Variants in MAPKAP1 observed in about 807,000 individuals in gnomAD.
MAPKAP1 encodes target of rapamycin complex 2 subunit MAPKAP1.
In MAPKAP1, 20 loss-of-function variants were observed where a neutral mutation model predicts 65.7. The ratio of observed to expected loss-of-function variants is 0.30; its 90% CI spans 0.21 to 0.44. MAPKAP1 has a LOEUF of 0.44. MAPKAP1 is among the 20% of genes least tolerant of loss of function. The pLI is 1.00. For missense variants in MAPKAP1, 423 were observed against 648.0 expected (o/e 0.65, Z 3.77); for synonymous variants, 222 against 244.3 (o/e 0.91, Z 0.85).
chr9:125,657,410 G>C (rs185029791), intron 4 of MAPKAP1, among the ~76,000 whole-genome samples: 2 of 152,100 alleles, frequency 1.3e-5, no homozygotes, highest in South Asian at 2.1e-4. Context: ...CAGAGAAAGA[G>C]AGAATGAAAG....
At chr9:125,461,513 G>C (rs945145209) in intron 10 of MAPKAP1, among the ~76,000 whole-genome samples, 27 of 152,208 alleles carry the variant, frequency 1.8e-4, no homozygotes, top group African/African-American at 5.8e-4. Context: ...TAATTGGATA[G>C]TGTAATTAAA....
At chr9:125,504,825 C>T (rs1057461647) in intron 8 of MAPKAP1, among the ~76,000 whole-genome samples, 1 of 151,772 alleles carries the variant, frequency 6.6e-6, no homozygotes. Flanking sequence ...AAAACCAAAA[C>T]CAAAAACATC....
At chr9:125,480,162 G>A (rs1423955208) in intron 9 of MAPKAP1, among the ~76,000 whole-genome samples, 4 of 152,054 alleles carry the variant, frequency 2.6e-5, no homozygotes, top group Non-Finnish European at 5.9e-5. Flanking sequence ...AGGGAGAGAG[G>A]GTCTTCAATT....
At position 125,580,221 on chromosome 9, in the gene MAPKAP1, A is replaced by G. The variant is rs139087192; in HGVS notation, c.671+5334T>C. 4.4e-3 allele frequency among the ~76,000 whole-genome samples: 663 copies of G among 152,344 alleles called. 6 individuals are homozygous for G. Among genetic ancestry groups the G allele is most frequent in the African/African-American group, 0.015 (621 of 41,580 alleles). ...AAAGGATTATAAATCATGCTGCTAT[A>G]AAGACACATGCACACATGTGTTTAC... On this transcript the variant is annotated intron_variant, in intron 5 of 11. Transcript: ENST00000265960.
Position 125,506,327 on chromosome 9 carries a change from C to A in MAPKAP1, c.1049G>T (p.Cys350Phe). 1 of 1,614,004 alleles carries A rather than the reference C, an allele frequency of 6.2e-7. No homozygotes were observed. Among genetic ancestry groups the A allele is most frequent in the South Asian group, 1.1e-5 (1 of 91,090 alleles). The change falls in exon 8 of 12, where the codon TGC (cysteine) becomes TTC (phenylalanine). Residue 350 changes from cysteine (C) to phenylalanine (F), a missense_variant. Transcript: ENST00000265960. ...CAACGTACTGTTCTCGCGGACCAGGCAGAACTCCCATGCGCTCTGGCTCTC... is the reference window on the plus strand; with the variant it reads ...CAACGTACTGTTCTCGCGGACCAGGAAGAACTCCCATGCGCTCTGGCTCTC... Reference protein sequence around the residue: ...TLESQSAWEFCLVRENSSRAD... With the variant: ...TLESQSAWEFFLVRENSSRAD...
intron 1 of MAPKAP1, among the ~76,000 whole-genome samples, chr9:125,676,402 T>TTAACA (rs1834644741): frequency 6.6e-6 from 1 of 152,126 alleles, no homozygotes; most frequent in Non-Finnish European, 1.5e-5. Context: ...TGGTAGAGGG[T>TTAACA]GAACAAAATG....
intron 4 of MAPKAP1, among the ~76,000 whole-genome samples, chr9:125,614,725 T>G (rs1016906712): frequency 6.6e-6 from 1 of 152,210 alleles, no homozygotes; most frequent in Non-Finnish European, 1.5e-5. Flanking sequence ...TACAGTTGAA[T>G]GTACATGATT....
chr9:125,636,200 T>A (rs534962118), intron 4 of MAPKAP1, among the ~76,000 whole-genome samples: 1 of 152,236 alleles, frequency 6.6e-6, no homozygotes, highest in Admixed American at 6.5e-5. Flanking sequence ...GGTTCTAAGA[T>A]GAGCACAACT....
At chr9:125,516,493 G>A (rs1388978021) in intron 7 of MAPKAP1, among the ~76,000 whole-genome samples, 1 of 152,208 alleles carries the variant, frequency 6.6e-6, no homozygotes, top group Non-Finnish European at 1.5e-5. Context: ...CTTATGATTA[G>A]GGAAAGAAAA....
intron 5 of MAPKAP1, among the ~76,000 whole-genome samples, chr9:125,569,692 C>T (rs1201943643): frequency 6.6e-6 from 1 of 152,222 alleles, no homozygotes; most frequent in Admixed American, 6.5e-5. Context: ...TGGCCCTGTT[C>T]TTCCAAGGAC....
intron 3 of MAPKAP1, among the ~76,000 whole-genome samples, chr9:125,667,351 G>A (rs1028063846): frequency 6.6e-6 from 1 of 152,038 alleles, no homozygotes; most frequent in African/African-American, 2.4e-5. Context: ...ACACAGTCTC[G>A]CTCTGTTGCC....
Position 125,438,705 on chromosome 9 carries a change from T to C in MAPKAP1, c.*182A>G. Reference sequence around the variant, plus strand: ...CAAGCAGACTTCCGTCCCATGGCAATGTCCCCAGCGCTCCCTCCTAGGGGG... The same window carrying C: ...CAAGCAGACTTCCGTCCCATGGCAACGTCCCCAGCGCTCCCTCCTAGGGGG... On this transcript the variant is annotated 3_prime_UTR_variant, in exon 12 of 12. Coordinates refer to ENST00000265960, the MANE Select transcript of MAPKAP1 (RefSeq NM_001006617.3). The C allele has an allele frequency of 3.1e-6, 2 of 653,608 alleles. No homozygotes were observed. Among genetic ancestry groups the C allele is most frequent in the Non-Finnish European group, 2.6e-6 (1 of 388,430 alleles). The allele number at this position is 653,608 out of a possible 1,614,324, so 40.5% of individuals were successfully genotyped here.
At chr9:125,625,243 A>AT (rs71374282) in intron 4 of MAPKAP1, among the ~76,000 whole-genome samples, 32,312 of 100,916 alleles carry the variant, frequency 0.32, 5,987 homozygotes, top group Non-Finnish European at 0.41. Context: ...CAATAAAAAA[A>AT]AAATAAATAA....
intron 6 of MAPKAP1, among the ~76,000 whole-genome samples, chr9:125,554,330 A>C (rs1412785162): frequency 6.6e-6 from 1 of 152,168 alleles, no homozygotes. Flanking sequence ...TAGACCAAGC[A>C]ACAGATAAAG....
At chr9:125,572,820 T>C (rs996833290) in intron 5 of MAPKAP1, 1 of 152,240 alleles carries the variant, frequency 6.6e-6, no homozygotes. Context: ...TATACTGCTG[T>C]TATACTCTTT....
intron 4 of MAPKAP1, among the ~76,000 whole-genome samples, chr9:125,645,736 C>CAAA (rs1044199278): frequency 1.1e-4 from 6 of 53,988 alleles, no homozygotes; most frequent in African/African-American, 1.9e-4. Context: ...GACTCTGTCT[C>CAAA]AAAAAAAAAA....
In MAPKAP1 at chr9:125,543,106, A is replaced by G. The variant is rs913099145; in HGVS notation, c.911T>C (p.Ile304Thr). The change falls in exon 7 of 12, where the codon ATC becomes ACC. Residue 304 changes from isoleucine to threonine, a missense_variant. Ile to Thr is a moderately conservative substitution (Grantham distance 89). Coordinates refer to ENST00000265960, the MANE Select transcript of MAPKAP1 (RefSeq NM_001006617.3). Reference sequence around the variant, plus strand: ...TCTTCGCTTCACTGCCTTCAGTAAGATTTCCTTCATGGTAACCTTTGTGTT... The same window carrying G: ...TCTTCGCTTCACTGCCTTCAGTAAGGTTTCCTTCATGGTAACCTTTGTGTT... ...VDNTKVTMKEILLKAVKRRKG... is the reference protein window; with the variant it reads ...VDNTKVTMKETLLKAVKRRKG... The G allele has an allele frequency of 6.2e-7, 1 of 1,613,940 alleles. No homozygotes were observed. Among genetic ancestry groups the G allele is most frequent in the African/African-American group, 1.3e-5 (1 of 74,892 alleles).
intron 8 of MAPKAP1, among the ~76,000 whole-genome samples, chr9:125,492,049 A>G (rs1285410533): frequency 1.3e-5 from 2 of 150,954 alleles, no homozygotes; most frequent in Non-Finnish European, 3.0e-5. Context: ...AAAAAAAAAA[A>G]AAAAGTCAGC....
At chr9:125,603,082 T>TTTCTTTC (rs1564578212) in intron 4 of MAPKAP1, among the ~76,000 whole-genome samples, 64 of 144,682 alleles carry the variant, frequency 4.4e-4, no homozygotes, top group African/African-American at 1.5e-3. Context: ...TTCTTTCTTT[T>TTTCTTTC]TTTTTTATAG....
Sources: gnomAD v4.1 joint callset for allele counts (sites outside exome capture counted in the v4.1 genomes callset) on GRCh38, gnomAD v4.1.1 for gene constraint, MANE v1.5 for transcripts, NCBI Gene and HGNC (gene_info 2026-07-23, HGNC 2026-07-21) for gene names.